The following COBL variants were observed in gnomAD, a reference collection of about 807,000 sequenced individuals.
The protein encoded by COBL is cordon-bleu WH2 repeat protein, also known as protein cordon-bleu.
Under a neutral mutation model 98.8 loss-of-function variants are expected in COBL, and 51 were observed. The ratio of observed to expected loss-of-function variants is 0.52; its 90% CI spans 0.41 to 0.65. COBL has a LOEUF of 0.65. Among genes scored for constraint, COBL ranks in the 30% least tolerant of loss-of-function variants. The probability of loss-of-function intolerance (pLI) is 0.00; values close to 1 mark genes in which losing one functional copy is unlikely to be tolerated. For synonymous variants in COBL, 634 were observed against 651.7 expected, an observed-to-expected ratio of 0.97 and a Z score of 0.41; for missense variants, 1,617 against 1,617.5, an observed-to-expected ratio of 1.00 and a Z score of 0.01.
Position 51,228,806 on chromosome 7 carries a change from C to T in COBL, c.42-8862G>A, listed in dbSNP as rs144128716. Among the ~76,000 whole-genome samples the T allele has an allele frequency of 3.6e-3, 547 of 152,208 alleles. 1 individual carries two copies. Among genetic ancestry groups the T allele is most frequent in the African/African-American group, 0.013 (528 of 41,524 alleles). ...CTGTCGGTGAGGATCACTTAACTAT[C>T]GGCAAATACTCCATGCTCATGCTGA... is the stretch of plus-strand genomic sequence containing the variant. On this transcript the variant is annotated intron_variant, in intron 1 of 12. Coordinates refer to ENST00000265136, the MANE Select transcript of COBL (RefSeq NM_015198.5).
At position 51,106,200 on chromosome 7, in the gene COBL, CAAAA is replaced by C. The variant is rs61220710; in HGVS notation, c.958-20900_958-20897del. Among the ~76,000 whole-genome samples the C allele has an allele frequency of 3.7e-3, 377 of 102,832 alleles. 6 individuals are homozygous for C. Among genetic ancestry groups the C allele is most frequent in the East Asian group, 0.017 (54 of 3,124 alleles). 67.5% of individuals were successfully genotyped at this position (102,832 alleles called of 152,430 possible). A position where few individuals can be genotyped will look rare whatever the true frequency, so the allele number is the denominator to read the frequency against. Reference sequence around the variant, plus strand: ...GCCTGGGTGACAGAGCGAGATGTCTCAAAAAAAAAAAAAAAAAAAAATACATCCA... The same window carrying C: ...GCCTGGGTGACAGAGCGAGATGTCTCAAAAAAAAAAAAAAAAATACATCCA... On this transcript the variant is annotated intron_variant, in intron 6 of 12. Coordinates refer to ENST00000265136, the MANE Select transcript of COBL (RefSeq NM_015198.5).
chr7:51,136,071 G>A (rs1296705653), intron 6 of COBL, 87 bp downstream of exon 6: 2 of 1,491,452 alleles, frequency 1.3e-6, no homozygotes, highest in Non-Finnish European at 1.8e-6. Context: ...CAAACATGAA[G>A]GATTACTGTG....
chr7:51,058,441 T>C (rs1383165699), intron 7 of COBL, among the ~76,000 whole-genome samples: 1 of 152,070 alleles, frequency 6.6e-6, no homozygotes, highest in Non-Finnish European at 1.5e-5. Context: ...TAGTCCTAGC[T>C]ACTTGGGAGG....
chr7:51,220,938 T>C (rs1793582101), intron 1 of COBL, among the ~76,000 whole-genome samples: 1 of 152,220 alleles, frequency 6.6e-6, no homozygotes, highest in African/African-American at 2.4e-5. Flanking sequence ...TGTATATATA[T>C]GTATGTACAT....
intron 7 of COBL, among the ~76,000 whole-genome samples, chr7:51,057,947 C>T (rs1790932910): frequency 6.6e-6 from 1 of 152,166 alleles, no homozygotes; most frequent in South Asian, 2.1e-4. Flanking sequence ...CCTATGACCA[C>T]ATTCTACCAG....
intron 5 of COBL, among the ~76,000 whole-genome samples, chr7:51,180,846 C>G (rs188504412): frequency 6.6e-6 from 1 of 152,296 alleles, no homozygotes; most frequent in Admixed American, 6.5e-5. Flanking sequence ...TTTGTTTGAT[C>G]TGGCATATAA....
chr7:51,302,723 C>T (rs891676351), intron 1 of COBL, among the ~76,000 whole-genome samples: 1 of 152,004 alleles, frequency 6.6e-6, no homozygotes, highest in Admixed American at 6.6e-5. Flanking sequence ...TGCAGCAAGA[C>T]CCTATTTCTA....
At chr7:51,299,521 A>G (rs1015823851) in intron 1 of COBL, among the ~76,000 whole-genome samples, 12 of 152,200 alleles carry the variant, frequency 7.9e-5, no homozygotes, top group African/African-American at 2.9e-4. Flanking sequence ...GACCCATAGC[A>G]TGCTGGCACT....
At chr7:51,098,023 CAAAA>C (rs3047141) in intron 6 of COBL, among the ~76,000 whole-genome samples, 5 of 94,332 alleles carry the variant, frequency 5.3e-5, no homozygotes, top group Admixed American at 1.1e-4. Flanking sequence ...GACTCCATCT[CAAAA>C]AAAAAAAAAA....
At chr7:51,066,794 C>G (rs1791976795) in intron 7 of COBL, among the ~76,000 whole-genome samples, 1 of 152,204 alleles carries the variant, frequency 6.6e-6, no homozygotes, top group Non-Finnish European at 1.5e-5. Flanking sequence ...CAGAGGCCAC[C>G]TCCTTCATGG....
At chr7:51,242,765 G>A (rs1252031403) in intron 1 of COBL, among the ~76,000 whole-genome samples, 2 of 152,168 alleles carry the variant, frequency 1.3e-5, no homozygotes, top group Non-Finnish European at 2.9e-5. Context: ...AAGAGCTGGA[G>A]ACAGAGCTGA....
chr7:51,287,220 T>A (rs898121158), intron 1 of COBL, among the ~76,000 whole-genome samples: 4 of 152,110 alleles, frequency 2.6e-5, no homozygotes, highest in African/African-American at 9.7e-5. Flanking sequence ...CAAAACTGCA[T>A]ATGAACCCTC....
intron 6 of COBL, among the ~76,000 whole-genome samples, chr7:51,087,778 CTTT>C (rs34922133): frequency 2.6e-5 from 3 of 117,320 alleles, no homozygotes; most frequent in Non-Finnish European, 1.7e-5. Flanking sequence ...CCGGCCCCGC[CTTT>C]TTTTTTTTTT....
intron 7 of COBL, among the ~76,000 whole-genome samples, chr7:51,069,023 C>T (rs1449853170): frequency 1.3e-5 from 2 of 152,184 alleles, no homozygotes; most frequent in South Asian, 2.1e-4. Context: ...GGCCTGATCG[C>T]ACCCAATCCT....
chr7:51,167,432 GA>G (rs1380221605), intron 5 of COBL, among the ~76,000 whole-genome samples: 33 of 151,938 alleles, frequency 2.2e-4, no homozygotes, highest in African/African-American at 8.0e-4. Context: ...ACTGATGAAA[GA>G]AATTAAAGAG....
intron 2 of COBL, among the ~76,000 whole-genome samples, chr7:51,218,097 C>G (rs1240619891): frequency 1.3e-5 from 2 of 152,250 alleles, no homozygotes; most frequent in Admixed American, 1.3e-4. Context: ...CTGGCCTCAC[C>G]TGGTGCAGCT....
intron 6 of COBL, among the ~76,000 whole-genome samples, chr7:51,098,626 C>T (rs1583786509): frequency 6.6e-6 from 1 of 152,104 alleles, no homozygotes; most frequent in South Asian, 2.1e-4. Flanking sequence ...ATTAAACATC[C>T]AAATGTAAGA....
At chr7:51,231,873 C>T (rs1386878404) in intron 1 of COBL, among the ~76,000 whole-genome samples, 1 of 152,206 alleles carries the variant, frequency 6.6e-6, no homozygotes, top group Non-Finnish European at 1.5e-5. Flanking sequence ...AAAGAAGAGA[C>T]CCTGCCCCTC....
chr7:51,076,035 C>T (rs548381085), intron 7 of COBL, among the ~76,000 whole-genome samples: 6 of 152,172 alleles, frequency 3.9e-5, no homozygotes, highest in East Asian at 1.9e-4. Context: ...ATGCCTGCCC[C>T]GTGGCAGCAG....
Sources: allele counts gnomAD v4.1 joint callset (sites outside exome capture counted in the v4.1 genomes callset), GRCh38; gene constraint gnomAD v4.1.1; transcripts MANE v1.5; gene names NCBI Gene and HGNC (gene_info 2026-07-23, HGNC 2026-07-21).